MFSD8: variants seen among roughly 807,000 people sequenced by gnomAD.
MFSD8 encodes the protein major facilitator superfamily domain containing 8, also known as major facilitator superfamily domain-containing protein 8.
A neutral mutation model predicts 66.4 loss-of-function variants in MFSD8; 55 were observed. The observed-to-expected ratio is 0.83, with a 90% CI of 0.67 to 1.04. MFSD8 has a LOEUF of 1.04. MFSD8 is among the 50% of genes least tolerant of loss of function. MFSD8 has a pLI of 0.00. For missense variants in MFSD8, 550 were observed against 627.6 expected (o/e 0.88, Z 1.32); for synonymous variants, 202 against 212.8 (o/e 0.95, Z 0.44).
intron 2 of MFSD8, among the ~76,000 whole-genome samples, chr4:127,951,248 T>A (rs915226948): frequency 2.0e-5 from 3 of 152,146 alleles, no homozygotes; most frequent in Non-Finnish European, 4.4e-5. Context: ...TTATTTATTT[T>A]TTGAGACAGA....
chr4:127,930,647 T>A (rs746291128), intron 9 of MFSD8, 36 bp downstream of exon 9: 1 of 1,610,292 alleles, frequency 6.2e-7, no homozygotes, highest in Admixed American at 1.7e-5. Context: ...TTTTATTTTT[T>A]AAAAACAGAC....
intron 4 of MFSD8, chr4:127,943,392 T>A (rs1399856804): frequency 5.1e-6 from 1 of 195,920 alleles, no homozygotes; most frequent in African/African-American, 2.5e-5. Flanking sequence ...TGTTTTGGGT[T>A]TTTTTTTTTT....
intron 1 of MFSD8, among the ~76,000 whole-genome samples, chr4:127,959,564 T>G (rs1743412316): frequency 6.6e-6 from 1 of 152,128 alleles, no homozygotes; most frequent in Non-Finnish European, 1.5e-5. Context: ...AAGCTGCAAT[T>G]AAGTACTTGG....
intron 2 of MFSD8, among the ~76,000 whole-genome samples, chr4:127,952,186 A>G (rs1239984113): frequency 6.6e-6 from 1 of 151,462 alleles, no homozygotes; most frequent in African/African-American, 2.4e-5. Flanking sequence ...TGGGCGGATC[A>G]TGAGGTCAGG....
At chr4:127,947,609 A>G (rs1741272594) in intron 3 of MFSD8, among the ~76,000 whole-genome samples, 1 of 151,408 alleles carries the variant, frequency 6.6e-6, no homozygotes, top group Admixed American at 6.6e-5. Flanking sequence ...GAGAGAGAGA[A>G]GGCTTTCCAG....
At chr4:127,937,796 T>C (rs751960818) in intron 7 of MFSD8, among the ~76,000 whole-genome samples, 1 of 152,222 alleles carries the variant, frequency 6.6e-6, no homozygotes, top group Non-Finnish European at 1.5e-5. Context: ...CACTCTGCTC[T>C]ACTACATTTA....
chr4:127,942,190 A>G, intron 4 of MFSD8, 32 bp from the exon 5 acceptor site: 1 of 1,505,446 alleles, frequency 6.6e-7, no homozygotes, highest in Non-Finnish European at 9.2e-7. Flanking sequence ...TCCAAAGTAA[A>G]AGAAAGTATC....
rs1736184234 is a variant in MFSD8 at position 127,920,435 on chromosome 4, A to G, written c.*195T>C. The G allele has an allele frequency of 1.6e-6, 1 of 623,078 alleles. No homozygotes were observed. The highest frequency in any genetic ancestry group is 2.9e-6 in the Non-Finnish European group (1 of 348,994). The allele number at this position is 623,078 out of a possible 1,614,324, so 38.6% of individuals were successfully genotyped here. A position where few individuals can be genotyped will look rare whatever the true frequency, so the allele number is the denominator to read the frequency against. Reference sequence around the variant, plus strand: ...TTCTGAGGTAAGGAAATTATCATCTAGTATGTTTTTATATAACCTACTATT... The same window carrying G: ...TTCTGAGGTAAGGAAATTATCATCTGGTATGTTTTTATATAACCTACTATT... On this transcript the variant is annotated 3_prime_UTR_variant, in exon 12 of 12. Transcript: ENST00000641686.
At chr4:127,951,230 TATTTG>T (rs1387936071) in intron 2 of MFSD8, among the ~76,000 whole-genome samples, 3 of 152,230 alleles carry the variant, frequency 2.0e-5, no homozygotes, top group African/African-American at 7.2e-5. Context: ...CAGTCAATTT[TATTTG>T]ATTTATTTAT....
chr4:127,940,763 C>T (rs149282134), intron 5 of MFSD8, among the ~76,000 whole-genome samples: 103 of 147,732 alleles, frequency 7.0e-4, no homozygotes, highest in African/African-American at 2.4e-3. Flanking sequence ...GGCAAAAACT[C>T]AATTGGAAGA....
intron 1 of MFSD8, among the ~76,000 whole-genome samples, chr4:127,962,481 G>C (rs1386049879): frequency 1.3e-5 from 2 of 151,304 alleles, no homozygotes; most frequent in African/African-American, 4.9e-5. Context: ...AAAAAGTATA[G>C]CAGTGTAGAA....
At position 127,959,139 on chromosome 4, in the gene MFSD8, G is replaced by A. The variant is rs143905887; in HGVS notation, c.63-1547C>T. On this transcript the variant is annotated intron_variant, in intron 1 of 11. Transcript: ENST00000641686. ...ATCCTGTACCTTTTGATGTAATGTA[G>A]TGGGGTGTTCTCAACATAACCCATG... Among the ~76,000 whole-genome samples the A allele has an allele frequency of 2.6e-5, 4 of 152,300 alleles. No individual in the cohort carries two copies. In the East Asian group the frequency reaches 7.7e-4, roughly 29 times the overall value.
intron 2 of MFSD8, among the ~76,000 whole-genome samples, chr4:127,952,302 G>A (rs56699332): frequency 0.03 from 4,489 of 151,906 alleles, 281 homozygotes; most frequent in East Asian, 0.26. Flanking sequence ...TACTCGGGAG[G>A]TTGAGGCAGG....
At chr4:127,943,686 A>C in intron 4 of MFSD8, 66 bp downstream of exon 4, 2 of 1,599,712 alleles carry the variant, frequency 1.3e-6, no homozygotes, top group Non-Finnish European at 1.7e-6. Flanking sequence ...GACCAGTTAA[A>C]AGTGAGCCAT....
chr4:127,939,928 T>C lies in MFSD8; in HGVS notation c.623A>G (p.Asn208Ser). 9.9e-6 allele frequency: 16 copies of C among 1,613,686 alleles called. No homozygotes were observed. The highest frequency in any genetic ancestry group is 1.4e-5 in the Non-Finnish European group (16 of 1,179,750). The part of the protein sequence containing the change: ...VTWDVIKLQI[N>S]MYTTPVLLSA... ...AAGTAAAACTGGTGTTGTATACATG[T>C]TTATCTGCAGTTTAATCACATCCCA... The change falls in exon 6 of 12, where the codon AAC becomes AGC. Residue 208 changes from asparagine to serine, a missense_variant. By Grantham distance (46) the Asn-to-Ser change is conservative. Coordinates refer to ENST00000641686, the MANE Select transcript of MFSD8 (RefSeq NM_001371596.2).
At position 127,960,875 on chromosome 4, in the gene MFSD8, T is replaced by C. The variant is rs538197495; in HGVS notation, c.63-3283A>G. ...CCCTTTCATTAACAAACCTATATTA[T>C]ACTTATTATTATATTTTAAATGTCA... On this transcript the variant is annotated intron_variant, in intron 1 of 11. Transcript: ENST00000641686. Among the ~76,000 whole-genome samples, 8 of 152,326 alleles carry C rather than the reference T, an allele frequency of 5.3e-5. No individual in the cohort carries two copies. In the East Asian group the frequency reaches 1.3e-3, roughly 26 times the overall value.
chr4:127,962,914 T>C (rs1744038383), intron 1 of MFSD8, among the ~76,000 whole-genome samples: 1 of 152,118 alleles, frequency 6.6e-6, no homozygotes, highest in Admixed American at 6.6e-5. Flanking sequence ...TCACAAAAGG[T>C]TGGTGCTTAA....
chr4:127,929,700 T>C (rs1375604238), intron 9 of MFSD8, among the ~76,000 whole-genome samples: 3 of 152,108 alleles, frequency 2.0e-5, no homozygotes, highest in Admixed American at 6.5e-5. Flanking sequence ...GATTAATAGG[T>C]ACAAATACAC....
intron 11 of MFSD8, chr4:127,921,078 T>C (rs988250656): frequency 1.0e-5 from 6 of 575,484 alleles, no homozygotes; most frequent in African/African-American, 9.4e-5. Flanking sequence ...AATAATAAAA[T>C]TGATTAAAAT....
Sources: allele counts gnomAD v4.1 joint callset (sites outside exome capture counted in the v4.1 genomes callset), GRCh38; gene constraint gnomAD v4.1.1; transcripts MANE v1.5; gene names NCBI Gene and HGNC (gene_info 2026-07-23, HGNC 2026-07-21).